The following MPP4 variants were observed in gnomAD, a reference collection of about 807,000 sequenced individuals.
MPP4 encodes the protein MAGUK p55 scaffold protein 4.
Under a neutral mutation model 98.3 loss-of-function variants are expected in MPP4, and 91 were observed. The observed-to-expected ratio is 0.93, with a 90% CI of 0.78 to 1.10. The LOEUF (loss-of-function observed/expected upper bound fraction) is 1.10, where lower values mean the gene tolerates loss of function less well. Among genes scored for constraint, MPP4 ranks in the 50% least tolerant of loss-of-function variants. The pLI, the probability that MPP4 is intolerant of heterozygous loss-of-function variation, is 0.00. For synonymous variants in MPP4, 261 were observed against 271.8 expected (o/e 0.96, Z 0.39); for missense variants, 744 against 792.9 (o/e 0.94, Z 0.74).
rs761797076 is a variant in MPP4 at position 201,685,108 on chromosome 2, A to G, written c.530T>C (p.Ile177Thr). 4 of 1,612,400 alleles carry G rather than the reference A, an allele frequency of 2.5e-6. No individual in the cohort carries two copies. The African/African-American group carries it at 5.3e-5, about 22-fold the overall frequency. ...TIKRHEMTGD[I>T]LVARIIHGGL... ...ACCGTGGATGATCCTGGCCACCAAG[A>G]TGTCCCCTGTCATCTCGTGGCGCTT... Residue 177 changes from isoleucine (I) to threonine (T), a missense_variant, in exon 7 of 22, where the codon ATC (isoleucine) becomes ACC (threonine). Physicochemically the swap from Ile to Thr is moderately conservative, Grantham distance 89 (BLOSUM62 -1). Coordinates refer to ENST00000409474, the MANE Select transcript of MPP4 (RefSeq NM_033066.3).
intron 4 of MPP4, among the ~76,000 whole-genome samples, chr2:201,688,350 T>A (rs777338312): frequency 1.3e-5 from 2 of 151,994 alleles, no homozygotes; most frequent in Non-Finnish European, 2.9e-5. Context: ...ACAAATGAAA[T>A]GTGTAAGTAA....
chr2:201,695,671 C>T (rs1689157908), intron 1 of MPP4, among the ~76,000 whole-genome samples: 1 of 152,292 alleles, frequency 6.6e-6, no homozygotes, highest in Non-Finnish European at 1.5e-5. Context: ...ACACCAATGG[C>T]AACCTTGGTA....
In MPP4 at chr2:201,698,492, G is replaced by T. The variant is rs1189152423; in HGVS notation, c.-101+95C>A. The T allele has an allele frequency of 3.2e-6, 3 of 943,354 alleles. No individual in the cohort carries two copies. The African/African-American group carries it at 5.2e-5, about 16-fold the overall frequency. 58.4% of individuals were successfully genotyped at this position (943,354 alleles called of 1,614,324 possible). ...TAAGCCATTTGAGTTAGATTACCCA[G>T]ATTTATATCTTTAGCTATTAAAAAC... On this transcript the variant is annotated intron_variant, in intron 1 of 21. Transcript: ENST00000409474.
chr2:201,685,066 C>G lies in MPP4; in HGVS notation c.572G>C (p.Ser191Thr), dbSNP rs770536678. Residue 191 changes from serine to threonine, a missense_variant and splice_region_variant, in exon 7 of 22, where the codon AGT becomes ACT. By Grantham distance (58) the Ser-to-Thr change is moderately conservative. Transcript: ENST00000409474. The part of the protein sequence containing the change: ...RIIHGGLAER[S>T]GLLYAGDKLV... ...CAATCCCAGCTGCTCCAGCTTACCACTTCTCTCCGCCAGCCCACCGTGGAT... is the reference window on the plus strand; with the variant it reads ...CAATCCCAGCTGCTCCAGCTTACCAGTTCTCTCCGCCAGCCCACCGTGGAT... 3.7e-6 allele frequency: 6 copies of G among 1,610,242 alleles called. No homozygotes were observed. The highest frequency in any genetic ancestry group is 4.2e-6 in the Non-Finnish European group (5 of 1,178,444).
At chr2:201,652,782 C>T (rs1461725436) in intron 18 of MPP4, among the ~76,000 whole-genome samples, 1 of 152,148 alleles carries the variant, frequency 6.6e-6, no homozygotes, top group Non-Finnish European at 1.5e-5. Flanking sequence ...CTCTCTGCCC[C>T]CGATAGATCT....
chr2:201,687,473 C>T (rs1688872921), intron 4 of MPP4, 102 bp from the exon 5 acceptor site: 1 of 817,846 alleles, frequency 1.2e-6, no homozygotes, highest in Non-Finnish European at 1.9e-6. Flanking sequence ...ATGATATTGA[C>T]CTTTAAAAAG....
intron 1 of MPP4, among the ~76,000 whole-genome samples, chr2:201,695,598 G>T (rs1689155991): frequency 6.6e-6 from 1 of 152,154 alleles, no homozygotes; most frequent in South Asian, 2.1e-4. Flanking sequence ...TTAATCCCAC[G>T]GGGGAACAGG....
chr2:201,666,439 G>A lies in MPP4; in HGVS notation c.1013-67C>T, dbSNP rs533546027. 1.5e-4 allele frequency: 193 copies of A among 1,297,372 alleles called. No individual in the cohort carries two copies. In the South Asian group the frequency reaches 2.4e-3, roughly 16 times the overall value. The allele number at this position is 1,297,372 out of a possible 1,614,324, so 80.4% of individuals were successfully genotyped here. On this transcript the variant is annotated intron_variant, in intron 12 of 21. Transcript: ENST00000409474. ...TGTCTGCATTAAAAAGAAAATTCCCGGCCAGGCATGGTGGCTCATGCCTGT... is the reference window on the plus strand; with the variant it reads ...TGTCTGCATTAAAAAGAAAATTCCCAGCCAGGCATGGTGGCTCATGCCTGT...
intron 9 of MPP4, 99 bp downstream of exon 9, chr2:201,681,397 C>T: frequency 9.6e-7 from 1 of 1,044,334 alleles, no homozygotes; most frequent in East Asian, 2.5e-5. Context: ...GAATCCAGGT[C>T]CAACACAGTA....
chr2:201,693,985 AG>A lies in MPP4; in HGVS notation c.-32del, dbSNP rs765871547. On this transcript the variant is annotated 5_prime_UTR_variant, in exon 2 of 22. Transcript: ENST00000409474. Reference sequence around the variant, plus strand: ...CTGCCGGAGCTTCTGAAAGGAATTCAGGACTAGGAAGCGGGTCAATACACGG... The same window carrying A: ...CTGCCGGAGCTTCTGAAAGGAATTCAGACTAGGAAGCGGGTCAATACACGG... 1.9e-6 allele frequency: 3 copies of A among 1,613,888 alleles called. No homozygotes were observed. Among genetic ancestry groups the A allele is most frequent in the South Asian group, 2.2e-5 (2 of 91,076 alleles).
chr2:201,678,605 C>T (rs1325945902), intron 10 of MPP4, among the ~76,000 whole-genome samples: 5 of 152,126 alleles, frequency 3.3e-5, no homozygotes, highest in East Asian at 1.9e-4. Flanking sequence ...GATGCTCTCA[C>T]GGTGGCTGAT....
chr2:201,654,747 A>T, intron 18 of MPP4, 90 bp downstream of exon 18: 2 of 848,284 alleles, frequency 2.4e-6, no homozygotes, highest in Non-Finnish European at 3.6e-6. Flanking sequence ...GTATACTTTT[A>T]CAACAAAGAT....
At chr2:201,684,767 G>A (rs1356989553) in intron 7 of MPP4, among the ~76,000 whole-genome samples, 1 of 151,714 alleles carries the variant, frequency 6.6e-6, no homozygotes, top group Non-Finnish European at 1.5e-5. Context: ...TGGCTAACAC[G>A]GTGAAACCCC....
intron 2 of MPP4, among the ~76,000 whole-genome samples, chr2:201,693,527 T>C (rs930242404): frequency 6.6e-6 from 1 of 152,212 alleles, no homozygotes; most frequent in Non-Finnish European, 1.5e-5. Context: ...ATTCTCCTGA[T>C]TAAAGGGTCT....
intron 11 of MPP4, among the ~76,000 whole-genome samples, chr2:201,670,469 G>A (rs888342731): frequency 2.0e-4 from 30 of 152,270 alleles, no homozygotes; most frequent in African/African-American, 5.8e-4. Context: ...TGAGGCTCGT[G>A]GACTTAGATA....
At chr2:201,647,635 T>A in intron 21 of MPP4, 56 bp downstream of exon 21, 1 of 1,576,828 alleles carries the variant, frequency 6.3e-7, no homozygotes, top group East Asian at 2.3e-5. Context: ...CCAACCCAGA[T>A]CTCTCCCACG....
intron 16 of MPP4, among the ~76,000 whole-genome samples, chr2:201,656,650 G>A (rs956609725): frequency 5.9e-5 from 9 of 152,202 alleles, no homozygotes; most frequent in African/African-American, 2.2e-4. Context: ...ACATTTTGTA[G>A]AAGAAGAGAG....
chr2:201,687,355 C>G lies in MPP4; in HGVS notation c.296G>C (p.Arg99Pro), dbSNP rs191664251. ...VLSYEVVELL[R>P]ETPTSPEIQE... Reference sequence around the variant, plus strand: ...GATCTCAGGGGAAGTAGGGGTTTCACGTAATAACTCCACTACCTGGTTCAT... The same window carrying G: ...GATCTCAGGGGAAGTAGGGGTTTCAGGTAATAACTCCACTACCTGGTTCAT... The change falls in exon 5 of 22, where the codon CGT becomes CCT. Residue 99 changes from arginine (R) to proline (P), a missense_variant. Physicochemically the swap from Arg to Pro is moderately radical, Grantham distance 103. Coordinates refer to ENST00000409474, the MANE Select transcript of MPP4 (RefSeq NM_033066.3). 3 of 1,578,998 alleles carry G rather than the reference C, an allele frequency of 1.9e-6. No individual in the cohort carries two copies. The highest frequency in any genetic ancestry group is 2.6e-6 in the Non-Finnish European group (3 of 1,160,774).
intron 11 of MPP4, among the ~76,000 whole-genome samples, chr2:201,672,575 C>T (rs10188740): frequency 0.016 from 2,502 of 152,194 alleles, 67 homozygotes; most frequent in African/African-American, 0.045. Context: ...ACAACATCAC[C>T]ACTGATCCCA....
Sources: gnomAD v4.1 joint callset for allele counts (sites outside exome capture counted in the v4.1 genomes callset) on GRCh38, gnomAD v4.1.1 for gene constraint, MANE v1.5 for transcripts, NCBI Gene and HGNC (gene_info 2026-07-23, HGNC 2026-07-21) for gene names.